PRLR: variants seen among roughly 807,000 people sequenced by gnomAD.
PRLR encodes prolactin receptor.
Under a neutral mutation model 40.2 loss-of-function variants are expected in PRLR, and 13 were observed. The ratio of observed to expected loss-of-function variants is 0.32; its 90% CI spans 0.21 to 0.51. PRLR has a LOEUF of 0.51. PRLR is among the 20% of genes least tolerant of loss of function. The probability of loss-of-function intolerance (pLI) is 0.97; values close to 1 mark genes in which losing one functional copy is unlikely to be tolerated. For missense variants in PRLR, 656 were observed against 747.3 expected (o/e 0.88, Z 1.42); for synonymous variants, 269 against 278.7 (o/e 0.97, Z 0.35).
At chr5:35,113,517 C>G (rs1439510096) in intron 2 of PRLR, among the ~76,000 whole-genome samples, 1 of 147,368 alleles carries the variant, frequency 6.8e-6, no homozygotes, top group Admixed American at 6.7e-5. Context: ...ATCCACCCAT[C>G]CATTTATCTA....
chr5:35,178,506 T>C (rs1775207759), intron 1 of PRLR, among the ~76,000 whole-genome samples: 1 of 152,200 alleles, frequency 6.6e-6, no homozygotes, highest in Non-Finnish European at 1.5e-5. Flanking sequence ...AGAAACATTA[T>C]AGGGAAGAGA....
chr5:35,168,245 A>G (rs891296840), intron 1 of PRLR, among the ~76,000 whole-genome samples: 1 of 152,106 alleles, frequency 6.6e-6, no homozygotes, highest in African/African-American at 2.4e-5. Flanking sequence ...AAATAGACAA[A>G]TACACAATCA....
chr5:35,069,632 TA>T (rs1769614111), intron 7 of PRLR, among the ~76,000 whole-genome samples: 1 of 152,228 alleles, frequency 6.6e-6, no homozygotes, highest in Non-Finnish European at 1.5e-5. Context: ...TAAAGCATTT[TA>T]AAAATGCAAG....
Position 35,084,607 on chromosome 5 carries a change from A to T in PRLR, c.236T>A (p.Ile79Lys). 2 of 1,611,056 alleles carry T rather than the reference A, an allele frequency of 1.2e-6. No individual in the cohort carries two copies. Among genetic ancestry groups the T allele is most frequent in the Non-Finnish European group, 1.7e-6 (2 of 1,178,870 alleles). Residue 79 changes from isoleucine to lysine, a missense_variant, in exon 5 of 10, where the codon ATA becomes AAA. By Grantham distance (102) the Ile-to-Lys change is moderately radical. Around this residue, in one of 3 missense-constraint regions of PRLR, gnomAD observed 180 missense variants for 236.8 expected, o/e 0.76. Coordinates refer to ENST00000618457, the MANE Select transcript of PRLR (RefSeq NM_000949.7). Reference sequence around the variant, plus strand: ...GTGGCAGGAGTTGGGGCCACCGGTTATGTAGTCTGGACATTCATGCATGAG... The same window carrying T: ...GTGGCAGGAGTTGGGGCCACCGGTTTTGTAGTCTGGACATTCATGCATGAG... ...ETLMHECPDY[I>K]TGGPNSCHFG...
chr5:35,059,785 G>A lies in PRLR; in HGVS notation c.*5304C>T, dbSNP rs556848775. 6.6e-6 allele frequency: 1 copy of A among 152,274 alleles called. No homozygotes were observed. Among genetic ancestry groups the A allele is most frequent in the African/African-American group, 2.4e-5 (1 of 41,556 alleles). The allele number at this position is 152,274 out of a possible 1,614,324, so 9.4% of individuals were successfully genotyped here. On this transcript the variant is annotated 3_prime_UTR_variant, in exon 10 of 10. Transcript: ENST00000618457. ...AGGATTTCTCTGAAGCAATCAATCT[G>A]TATTTTTAAAGCTTCTCCTTCAGAC...
At chr5:35,173,800 AG>A in intron 1 of PRLR, among the ~76,000 whole-genome samples, 1 of 152,196 alleles carries the variant, frequency 6.6e-6, no homozygotes, top group East Asian at 1.9e-4. Flanking sequence ...TTTAAAGGGT[AG>A]TTTTTTTTTG....
intron 1 of PRLR, among the ~76,000 whole-genome samples, chr5:35,214,035 T>G (rs542858808): frequency 6.6e-6 from 1 of 152,336 alleles, no homozygotes; most frequent in African/African-American, 2.4e-5. Flanking sequence ...GTTGTGCCTC[T>G]TGCTAATGGT....
chr5:35,060,347 G>C lies in PRLR; in HGVS notation c.*4742C>G, dbSNP rs1251403534. 6.6e-6 allele frequency: 1 copy of C among 152,178 alleles called. No homozygotes were observed. The highest frequency in any genetic ancestry group is 6.5e-5 in the Admixed American group (1 of 15,268). 9.4% of individuals were successfully genotyped at this position (152,178 alleles called of 1,614,324 possible). The stretch of plus-strand genomic sequence containing the variant: ...AGCCAGGAAGGAAAAGGAGAAGCAA[G>C]GATGTTAAATCAATCTGAGTTGGAG... On this transcript the variant is annotated 3_prime_UTR_variant, in exon 10 of 10. Coordinates refer to ENST00000618457, the MANE Select transcript of PRLR (RefSeq NM_000949.7).
chr5:35,185,597 C>T (rs1420786788), intron 1 of PRLR, among the ~76,000 whole-genome samples: 2 of 152,178 alleles, frequency 1.3e-5, no homozygotes, highest in South Asian at 4.1e-4. Flanking sequence ...ACACAGGAGC[C>T]TTACAGCAAG....
intron 1 of PRLR, among the ~76,000 whole-genome samples, chr5:35,197,323 G>A (rs751394412): frequency 5.3e-5 from 8 of 152,078 alleles, no homozygotes; most frequent in Non-Finnish European, 8.8e-5. Flanking sequence ...AACTATGATC[G>A]TTTTCTGTTT....
intron 3 of PRLR, among the ~76,000 whole-genome samples, chr5:35,086,869 C>G (rs1213975627): frequency 6.6e-6 from 1 of 152,178 alleles, no homozygotes; most frequent in African/African-American, 2.4e-5. Context: ...CTGCCATCCC[C>G]ACACAATGAA....
chr5:35,086,560 G>GGTGTGTGTGTGTGTGTGT (rs113256007), intron 3 of PRLR, among the ~76,000 whole-genome samples: 6 of 148,090 alleles, frequency 4.1e-5, no homozygotes, highest in African/African-American at 1.2e-4. Flanking sequence ...GCATTTTGCT[G>GGTGTGTGTGTGTGTGTGT]GTGTGTGTGT....
At chr5:35,154,725 A>G (rs1774435887) in intron 1 of PRLR, among the ~76,000 whole-genome samples, 1 of 152,198 alleles carries the variant, frequency 6.6e-6, no homozygotes, top group Non-Finnish European at 1.5e-5. Flanking sequence ...AATAGCAAAT[A>G]CATGGAATCA....
chr5:35,222,075 C>T (rs915123299), intron 1 of PRLR, among the ~76,000 whole-genome samples: 6 of 152,144 alleles, frequency 3.9e-5, no homozygotes, highest in South Asian at 2.1e-4. Flanking sequence ...GAGGCCAAGG[C>T]GGGCAGATCA....
intron 2 of PRLR, among the ~76,000 whole-genome samples, chr5:35,098,781 A>G (rs6868687): frequency 0.06 from 9,113 of 152,288 alleles, 922 homozygotes; most frequent in African/African-American, 0.21. Flanking sequence ...GGAAGGGAAC[A>G]TCAGGGGAAT....
intron 1 of PRLR, among the ~76,000 whole-genome samples, chr5:35,162,546 G>A (rs1350570202): frequency 2.6e-5 from 4 of 152,226 alleles, no homozygotes; most frequent in Non-Finnish European, 5.9e-5. Context: ...CACTAAGTAC[G>A]TAATCACATA....
intron 1 of PRLR, among the ~76,000 whole-genome samples, chr5:35,146,889 A>C (rs1269961200): frequency 6.6e-6 from 1 of 152,146 alleles, no homozygotes; most frequent in Non-Finnish European, 1.5e-5. Flanking sequence ...AGATGCAAGG[A>C]AGATAGATGG....
At position 35,068,729 on chromosome 5, in the gene PRLR, T is replaced by G. The variant is rs765754107; in HGVS notation, c.785+50A>C. 4 of 1,341,148 alleles carry G rather than the reference T, an allele frequency of 3.0e-6. No homozygotes were observed. The African/African-American group carries it at 5.9e-5, about 20-fold the overall frequency. 83.1% of individuals were successfully genotyped at this position (1,341,148 alleles called of 1,614,324 possible). ...ATCTTTGTATTTTTTTTTTTGTCAT[T>G]ATCCTTGACTATCATGATTGGGAGG... On this transcript the variant is annotated intron_variant, in intron 8 of 9. Transcript: ENST00000618457.
At chr5:35,229,271 C>T (rs1776632059) in intron 1 of PRLR, among the ~76,000 whole-genome samples, 2 of 151,802 alleles carry the variant, frequency 1.3e-5, no homozygotes, top group South Asian at 2.1e-4. Flanking sequence ...AAGTGAAGCA[C>T]GATTTCAGGT....
Sources: gnomAD v4.1 joint callset for allele counts (sites outside exome capture counted in the v4.1 genomes callset) on GRCh38, gnomAD v4.1.1 for gene constraint, gnomAD v4.1.1 regional missense constraint, MANE v1.5 for transcripts, NCBI Gene and HGNC (gene_info 2026-07-23, HGNC 2026-07-21) for gene names.